KIF16B: variants seen among roughly 807,000 people sequenced by gnomAD.
KIF16B encodes the protein kinesin family member 16B.
Under a neutral mutation model 156.3 loss-of-function variants are expected in KIF16B, and 98 were observed. The ratio of observed to expected loss-of-function variants is 0.63; its 90% confidence interval spans 0.53 to 0.74. The LOEUF (loss-of-function observed/expected upper bound fraction) is 0.74, where lower values mean the gene tolerates loss of function less well. Ranked by LOEUF, KIF16B falls within the 30% of genes least tolerant of loss-of-function variation. KIF16B has a pLI of 0.00. For missense variants in KIF16B, 1,421 were observed against 1,606.5 expected, an observed-to-expected ratio of 0.88 and a Z score of 1.97; for synonymous variants, 564 against 583.7, an observed-to-expected ratio of 0.97 and a Z score of 0.49.
rs539898651 is a variant in KIF16B, at chr20:16,317,932, G to A, written c.3712-5514C>T. 1.6e-3 allele frequency among the ~76,000 whole-genome samples: 239 copies of A among 152,300 alleles called. 2 individuals carry two copies. Among genetic ancestry groups the A allele is most frequent in the African/African-American group, 5.3e-3 (222 of 41,582 alleles). On this transcript the variant is annotated intron_variant, in intron 24 of 25. Coordinates refer to ENST00000354981, the MANE Select transcript of KIF16B (RefSeq NM_024704.5). ...GTCTCCAGAGACAGAGGCAGGAGAC[G>A]CCAGAGAGCAAGCGTTTGGCTTTAT...
At chr20:16,370,403 C>CTTT (rs1284194879) in intron 22 of KIF16B, among the ~76,000 whole-genome samples, 183 bp downstream of exon 22, 4 of 152,166 alleles carry the variant, frequency 2.6e-5, no homozygotes, top group African/African-American at 9.7e-5. Flanking sequence ...AAAGTCAAAG[C>CTTT]AGTTTCAAAC....
At chr20:16,407,529 T>C (rs767654362) in intron 15 of KIF16B, among the ~76,000 whole-genome samples, 6 of 152,074 alleles carry the variant, frequency 3.9e-5, no homozygotes, top group Middle Eastern at 3.2e-3. Context: ...AGGACCTAAG[T>C]TGGGTCTCAC....
intron 25 of KIF16B, among the ~76,000 whole-genome samples, chr20:16,276,768 CAG>C (rs1428108115): frequency 5.9e-5 from 9 of 152,226 alleles, no homozygotes; most frequent in Non-Finnish European, 1.3e-4. Context: ...AGGTCACAGA[CAG>C]TGTCTCATTC....
At chr20:16,341,509 G>T (rs2064138860) in intron 23 of KIF16B, among the ~76,000 whole-genome samples, 1 of 152,154 alleles carries the variant, frequency 6.6e-6, no homozygotes, top group African/African-American at 2.4e-5. Context: ...GATGAACAAT[G>T]AAAATCATTA....
rs542077667 is a variant in KIF16B, at chr20:16,311,826, A to C, written c.3795+509T>G. Among the ~76,000 whole-genome samples the C allele has an allele frequency of 2.6e-5, 4 of 152,348 alleles. No homozygotes were observed. In the South Asian group the frequency reaches 8.3e-4, roughly 32 times the overall value. On this transcript the variant is annotated intron_variant, in intron 25 of 25. Transcript: ENST00000354981. ...TTGGCAGTGAGGCAGTCAGAAAAACAACACTTGTGTTAAACCAGAGTTCTA... is the reference window on the plus strand; with the variant it reads ...TTGGCAGTGAGGCAGTCAGAAAAACCACACTTGTGTTAAACCAGAGTTCTA...
chr20:16,369,721 A>G (rs2064770286), intron 22 of KIF16B, among the ~76,000 whole-genome samples: 3 of 152,208 alleles, frequency 2.0e-5, no homozygotes, highest in Admixed American at 2.0e-4. Flanking sequence ...CCCAGGTTAC[A>G]TTTCTCTCTC....
At chr20:16,517,992 C>T (rs1263346451) in intron 3 of KIF16B, among the ~76,000 whole-genome samples, 2 of 152,150 alleles carry the variant, frequency 1.3e-5, no homozygotes, top group African/African-American at 4.8e-5. Context: ...TCTATGCCTA[C>T]CACTTTGCTA....
At chr20:16,361,719 T>A (rs2064555935) in intron 22 of KIF16B, among the ~76,000 whole-genome samples, 1 of 152,228 alleles carries the variant, frequency 6.6e-6, no homozygotes, top group South Asian at 2.1e-4. Context: ...TGGCAAACTG[T>A]TGGACATTGG....
chr20:16,463,641 G>C (rs2067409329), intron 12 of KIF16B, among the ~76,000 whole-genome samples: 1 of 152,152 alleles, frequency 6.6e-6, no homozygotes, highest in African/African-American at 2.4e-5. Context: ...AATTTAACAA[G>C]GTGCCCTAAA....
At chr20:16,445,055 G>C (rs2066896213) in intron 12 of KIF16B, among the ~76,000 whole-genome samples, 2 of 152,070 alleles carry the variant, frequency 1.3e-5, no homozygotes, top group South Asian at 4.1e-4. Context: ...TATATTAGCA[G>C]GCCAGGCATG....
At chr20:16,338,959 C>CA (rs1482101066) in intron 23 of KIF16B, among the ~76,000 whole-genome samples, 2 of 152,224 alleles carry the variant, frequency 1.3e-5, no homozygotes, top group Non-Finnish European at 2.9e-5. Context: ...TTGATGACAT[C>CA]AAAAATTTTT....
chr20:16,469,619 A>AT (rs2067601757), intron 12 of KIF16B, among the ~76,000 whole-genome samples: 1 of 152,116 alleles, frequency 6.6e-6, no homozygotes. Context: ...TAAATACTAA[A>AT]AATTAGAGCA....
chr20:16,536,942 C>A (rs1047733248), intron 1 of KIF16B, among the ~76,000 whole-genome samples: 4 of 152,022 alleles, frequency 2.6e-5, no homozygotes, highest in Non-Finnish European at 5.9e-5. Flanking sequence ...TTACCCCCAA[C>A]CCCCCTACCC....
At chr20:16,346,045 G>C (rs1170905556) in intron 23 of KIF16B, among the ~76,000 whole-genome samples, 2 of 152,216 alleles carry the variant, frequency 1.3e-5, no homozygotes, top group Non-Finnish European at 2.9e-5. Flanking sequence ...AGGGACACAA[G>C]GCAAGGGAAC....
chr20:16,291,433 C>T (rs145275020), intron 25 of KIF16B, among the ~76,000 whole-genome samples: 2 of 152,298 alleles, frequency 1.3e-5, no homozygotes, highest in African/African-American at 4.8e-5. Flanking sequence ...CTGTGTTAAA[C>T]ACCAAATGAG....
chr20:16,295,133 T>C (rs1452726315), intron 25 of KIF16B, among the ~76,000 whole-genome samples: 2 of 152,142 alleles, frequency 1.3e-5, no homozygotes, highest in African/African-American at 4.8e-5. Flanking sequence ...AAATCCATTA[T>C]CAAAAAGATT....
intron 22 of KIF16B, among the ~76,000 whole-genome samples, chr20:16,363,760 G>A (rs2064599325): frequency 6.6e-6 from 1 of 152,202 alleles, no homozygotes; most frequent in Admixed American, 6.5e-5. Flanking sequence ...ATGACCTGCA[G>A]CGTACAGCAC....
chr20:16,406,521 A>T, intron 15 of KIF16B, 65 bp from the exon 16 acceptor site: 2 of 1,267,976 alleles, frequency 1.6e-6, no homozygotes, highest in African/African-American at 1.5e-5. Flanking sequence ...CAATACCATA[A>T]CATGGAATTC....
chr20:16,446,344 T>C (rs2066930363), intron 12 of KIF16B, among the ~76,000 whole-genome samples: 3 of 152,188 alleles, frequency 2.0e-5, no homozygotes. Flanking sequence ...AAACACCAGA[T>C]CGGGGTTAGT....
Sources: allele counts gnomAD v4.1 joint callset (sites outside exome capture counted in the v4.1 genomes callset), GRCh38; gene constraint gnomAD v4.1.1; transcripts MANE v1.5; gene names NCBI Gene and HGNC (gene_info 2026-07-23, HGNC 2026-07-21).